Variants in GNAI1 observed in about 807,000 individuals in gnomAD.
The protein encoded by GNAI1 is G protein subunit alpha i1.
Under a neutral mutation model 38.9 loss-of-function variants are expected in GNAI1, and 11 were observed. The observed-to-expected ratio is 0.28, with a 90% CI of 0.18 to 0.47. The LOEUF is 0.47. Among genes scored for constraint, GNAI1 ranks in the 20% least tolerant of loss-of-function variants. GNAI1 has a pLI of 0.99. For synonymous variants in GNAI1, 166 were observed against 145.1 expected (o/e 1.14, Z -1.04); for missense variants, 317 against 436.9 (o/e 0.73, Z 2.45).
chr7:80,165,103 A>G (rs1467484163), intron 1 of GNAI1, among the ~76,000 whole-genome samples: 1 of 152,126 alleles, frequency 6.6e-6, no homozygotes, highest in Non-Finnish European at 1.5e-5. Flanking sequence ...TGCATTATTA[A>G]GGGATGTATA....
Position 80,190,318 on chromosome 7 carries a change from CTT to C in GNAI1, c.303+1092_303+1093del, listed in dbSNP as rs1308398683. Among the ~76,000 whole-genome samples, 15 of 151,862 alleles carry C rather than the reference CTT, an allele frequency of 9.9e-5. No homozygotes were observed. The East Asian group carries it at 1.9e-3, about 20-fold the overall frequency. On this transcript the variant is annotated intron_variant, in intron 3 of 7. Transcript: ENST00000649796. ...CTATATTAATTTACTGTTTTTTAAA[CTT>C]TTTTAAAAAGCTTACTGTCATTAAT... is the stretch of plus-strand genomic sequence containing the variant.
chr7:80,190,626 A>G (rs1039877940), intron 3 of GNAI1, among the ~76,000 whole-genome samples: 8 of 152,284 alleles, frequency 5.3e-5, no homozygotes, highest in Non-Finnish European at 8.8e-5. Context: ...AAAAGACTGC[A>G]CAGTAGGGAA....
intron 1 of GNAI1, among the ~76,000 whole-genome samples, chr7:80,184,936 C>G (rs6969850): frequency 0.94 from 142,820 of 152,214 alleles, 67,103 homozygotes; most frequent in East Asian, 1. Context: ...GTTCCTGTGC[C>G]GGCCACTTAG....
At chr7:80,187,209 T>TGTGTGTG (rs1788400935) in intron 1 of GNAI1, 15 of 92,704 alleles carry the variant, frequency 1.6e-4, no homozygotes, top group African/African-American at 4.6e-4. Flanking sequence ...GTGTGTGTCT[T>TGTGTGTG]TGTGTGTGTG....
intron 7 of GNAI1, among the ~76,000 whole-genome samples, chr7:80,217,079 TTTTG>T (rs1788981148): frequency 6.6e-6 from 1 of 152,040 alleles, no homozygotes; most frequent in South Asian, 2.1e-4. Context: ...AAAGGAAATT[TTTTG>T]TTTAAGGGAT....
Position 80,222,258 on chromosome 7 carries a change from C to T in GNAI1, c.*4765C>T, listed in dbSNP as rs984528741. Among the ~76,000 whole-genome samples the T allele has an allele frequency of 1.2e-4, 18 of 152,158 alleles. No homozygotes were observed. The highest frequency in any genetic ancestry group is 2.5e-4 in the Non-Finnish European group (17 of 67,998). On this transcript the variant is annotated 3_prime_UTR_variant, in exon 8 of 8. Transcript: ENST00000649796. ...ATAGTCCCACCATGTAATAAATCTT[C>T]CTGAGTATTGTGTATAAGGTCAAAT...
At chr7:80,179,312 G>A (rs919703847) in intron 1 of GNAI1, among the ~76,000 whole-genome samples, 1 of 151,970 alleles carries the variant, frequency 6.6e-6, no homozygotes, top group African/African-American at 2.4e-5. Context: ...ATTACTGGAC[G>A]CCTCACCTCC....
At chr7:80,156,182 G>A (rs1787815687) in intron 1 of GNAI1, among the ~76,000 whole-genome samples, 1 of 151,870 alleles carries the variant, frequency 6.6e-6, no homozygotes, top group African/African-American at 2.4e-5. Flanking sequence ...GTATTCATTT[G>A]CATAATCTTC....
At chr7:80,168,869 T>C (rs1489899060) in intron 1 of GNAI1, among the ~76,000 whole-genome samples, 2 of 152,226 alleles carry the variant, frequency 1.3e-5, no homozygotes, top group Admixed American at 6.5e-5. Flanking sequence ...TCTAAAAATT[T>C]ACCCTACTGG....
chr7:80,160,174 C>T (rs1038494503), intron 1 of GNAI1, among the ~76,000 whole-genome samples: 3 of 150,642 alleles, frequency 2.0e-5, no homozygotes, highest in African/African-American at 4.9e-5. Flanking sequence ...TCTAGGTAGC[C>T]TCTCCTCTAA....
chr7:80,191,828 C>A (rs537779272), intron 3 of GNAI1, among the ~76,000 whole-genome samples: 2 of 152,288 alleles, frequency 1.3e-5, no homozygotes, highest in South Asian at 4.1e-4. Flanking sequence ...CATGAATAAT[C>A]TGTTTTAGTA....
intron 1 of GNAI1, among the ~76,000 whole-genome samples, chr7:80,136,385 A>G (rs1337789357): frequency 6.6e-6 from 1 of 152,200 alleles, no homozygotes; most frequent in Admixed American, 6.5e-5. Context: ...ACCTGTTTTC[A>G]GTAAGCTTCT....
intron 1 of GNAI1, among the ~76,000 whole-genome samples, chr7:80,187,946 A>G (rs1322331390): frequency 1.3e-5 from 2 of 152,114 alleles, no homozygotes; most frequent in African/African-American, 2.4e-5. Flanking sequence ...CCTTAGTAGT[A>G]TTTTCATGTT....
At chr7:80,206,184 A>G (rs1788772895) in intron 5 of GNAI1, among the ~76,000 whole-genome samples, 1 of 152,038 alleles carries the variant, frequency 6.6e-6, no homozygotes, top group African/African-American at 2.4e-5. Context: ...ATTTACAGAA[A>G]ACTAAAGCTT....
rs990007201 is a variant in GNAI1 at position 80,225,158 on chromosome 7, A to G, written c.*7665A>G. ...CCTCAGTAAAGACTTGGACTATTCC[A>G]GTTTTAAATGCTATCGTTTGGTTTG... On this transcript the variant is annotated 3_prime_UTR_variant, in exon 8 of 8. Coordinates refer to ENST00000649796, the MANE Select transcript of GNAI1 (RefSeq NM_002069.6). 2.0e-5 allele frequency among the ~76,000 whole-genome samples: 3 copies of G among 152,324 alleles called. No individual in the cohort carries two copies. In the South Asian group the frequency reaches 6.2e-4, roughly 32 times the overall value.
At chr7:80,135,488 C>T in intron 1 of GNAI1, 1 of 409,808 alleles carries the variant, frequency 2.4e-6, no homozygotes, top group Non-Finnish European at 4.3e-6. Flanking sequence ...GGACTCCCCG[C>T]GGCGGGGCGG....
At chr7:80,158,826 A>G (rs542965243) in intron 1 of GNAI1, among the ~76,000 whole-genome samples, 2 of 152,274 alleles carry the variant, frequency 1.3e-5, no homozygotes, top group African/African-American at 4.8e-5. Flanking sequence ...AATTCCTCCC[A>G]GTTCATCCTG....
At chr7:80,143,084 G>A (rs375304896) in intron 1 of GNAI1, among the ~76,000 whole-genome samples, 9 of 152,180 alleles carry the variant, frequency 5.9e-5, no homozygotes, top group African/African-American at 1.7e-4. Flanking sequence ...AGGCTCACCA[G>A]CAGACTGTTC....
intron 1 of GNAI1, among the ~76,000 whole-genome samples, chr7:80,182,130 AGATT>A (rs2115605546): frequency 1.3e-5 from 2 of 152,298 alleles, no homozygotes; most frequent in South Asian, 4.1e-4. Context: ...TATACAAGTT[AGATT>A]ATGTGGTATT....
Sources: gnomAD v4.1 joint callset for allele counts (sites outside exome capture counted in the v4.1 genomes callset) on GRCh38, gnomAD v4.1.1 for gene constraint, MANE v1.5 for transcripts, NCBI Gene and HGNC (gene_info 2026-07-23, HGNC 2026-07-21) for gene names.